Variants in CHEK1 observed in about 807,000 individuals in gnomAD.
CHEK1 encodes serine/threonine-protein kinase Chk1.
Under a neutral mutation model 60.2 loss-of-function variants are expected in CHEK1, and 32 were observed. That is an observed-to-expected ratio of 0.53 (90% CI 0.40 to 0.71). The LOEUF (loss-of-function observed/expected upper bound fraction) is 0.71. CHEK1 is among the 30% of genes least tolerant of loss of function. The probability of loss-of-function intolerance (pLI) is 0.00; values close to 1 mark genes in which losing one functional copy is unlikely to be tolerated. For synonymous variants in CHEK1, 179 were observed against 187.2 expected (o/e 0.96, Z 0.36); for missense variants, 399 against 564.6 (o/e 0.71, Z 2.97).
rs1942245963 is a variant in CHEK1 at position 125,672,574 on chromosome 11, C to A, written c.*28-3354C>A. 5 of 1,612,404 alleles carry A rather than the reference C, an allele frequency of 3.1e-6. No homozygotes were observed. The highest frequency in any genetic ancestry group is 4.2e-6 in the Non-Finnish European group (5 of 1,179,584). On this transcript the variant is annotated intron_variant, in intron 13 of 13. Transcript: ENST00000428830. ...AGGCTTTTTACTGCCTGAGTCAAAA[C>A]AAGCAAGGGCCCAGGCTTCTAGATC...
At chr11:125,628,206 T>C (rs1940702492) in intron 3 of CHEK1, among the ~76,000 whole-genome samples, 1 of 152,230 alleles carries the variant, frequency 6.6e-6, no homozygotes, top group Non-Finnish European at 1.5e-5. Flanking sequence ...ATTTTATACA[T>C]TTACAGATCT....
chr11:125,664,109 T>C (rs1942058675), intron 13 of CHEK1, among the ~76,000 whole-genome samples: 2 of 152,166 alleles, frequency 1.3e-5, no homozygotes, highest in Non-Finnish European at 2.9e-5. Context: ...AGCCTTGCAG[T>C]ATAGTTTGAA....
chr11:125,678,011 C>G (rs1942608167), downstream of CHEK1: 1 of 1,614,084 alleles, frequency 6.2e-7, no homozygotes, highest in African/African-American at 1.3e-5. Flanking sequence ...CTCCTGAAGG[C>G]TGCTCACCTA....
Position 125,629,398 on chromosome 11 carries a change from T to G in CHEK1, c.362T>G (p.Leu121Arg). ...TCTCTGCATCCCTCTTAGGTTTATC[T>G]GCATGGTATTGGAATAACTCACAGG... ...FHQLMAGVVY[L>R]HGIGITHRDI... is the part of the protein sequence containing the mutation. Residue 121 changes from leucine to arginine, a missense_variant, in exon 5 of 13, where the codon CTG becomes CGG. By Grantham distance (102) the Leu-to-Arg change is moderately radical. Transcript: ENST00000438015. The G allele has an allele frequency of 1.9e-6, 3 of 1,613,908 alleles. No homozygotes were observed. The highest frequency in any genetic ancestry group is 1.7e-6 in the Non-Finnish European group (2 of 1,179,836).
In CHEK1 at chr11:125,656,469, A is replaced by AT; in HGVS notation, c.*1151dup. ...ATCACATATTAATGTATACTGGCAA[A>AT]TTGTGTTACTGGAGTATACCCATAG... On this transcript the variant is annotated 3_prime_UTR_variant, in exon 13 of 13. Coordinates refer to ENST00000438015, the MANE Select transcript of CHEK1 (RefSeq NM_001114122.3). 4.6e-6 allele frequency: 1 copy of AT among 215,194 alleles called. No individual in the cohort carries two copies. Among genetic ancestry groups the AT allele is most frequent in the East Asian group, 6.9e-5 (1 of 14,394 alleles). 13.3% of individuals were successfully genotyped at this position (215,194 alleles called of 1,614,324 possible).
In CHEK1 at chr11:125,668,417, T is replaced by C. The variant is rs553857973; in HGVS notation, c.*28-7511T>C. Among the ~76,000 whole-genome samples the C allele has an allele frequency of 2.0e-5, 3 of 152,364 alleles. No individual in the cohort carries two copies. In the South Asian group the frequency reaches 6.2e-4, roughly 32 times the overall value. On this transcript the variant is annotated intron_variant, in intron 13 of 13. Coordinates refer to the CHEK1 transcript ENST00000428830. ...TTTCACAAGACCACTGTAGTGATGA[T>C]GTATACTCAATTGTTGATATTTGGA...
chr11:125,644,680 A>C, intron 11 of CHEK1, 37 bp downstream of exon 11: 1 of 1,592,504 alleles, frequency 6.3e-7, no homozygotes, highest in Non-Finnish European at 8.6e-7. Flanking sequence ...CTTTTCCTGA[A>C]GAAGAATTTA....
chr11:125,642,421 C>G (rs1384079803), intron 8 of CHEK1, among the ~76,000 whole-genome samples: 1 of 152,030 alleles, frequency 6.6e-6, no homozygotes, highest in Non-Finnish European at 1.5e-5. Flanking sequence ...TTTAAAAGGT[C>G]AAGAGTTTTT....
intron 1 of CHEK1, 28 bp downstream of exon 1, chr11:125,626,040 G>C (rs920660083): frequency 2.6e-5 from 18 of 692,358 alleles, no homozygotes; most frequent in African/African-American, 2.1e-4. Flanking sequence ...GTAGAGTAGG[G>C]AAGGTTTCTA....
downstream of CHEK1, chr11:125,680,738 A>C: frequency 6.2e-7 from 1 of 1,613,828 alleles, no homozygotes; most frequent in Non-Finnish European, 8.5e-7. Flanking sequence ...CCTCTGGCAG[A>C]TCCAAGCAGA....
rs1263718523 is a variant in CHEK1, at chr11:125,653,409, TATCG to T, written c.1234-334_1234-331del. ...TTTGGGAATTTTAGTAGAGATGAGG[TATCG>T]ATATGTTGCCCAGCCTGGTCTGAAG... is the stretch of plus-strand genomic sequence containing the variant. On this transcript the variant is annotated intron_variant, in intron 11 of 12. Coordinates refer to ENST00000438015, the MANE Select transcript of CHEK1 (RefSeq NM_001114122.3). This position sits in a 1 kb window ranked among gnomAD's most constrained non-coding sequence, Gnocchi z 4.3. Among the ~76,000 whole-genome samples, 3 of 152,138 alleles carry T rather than the reference TATCG, an allele frequency of 2.0e-5. No homozygotes were observed. The highest frequency in any genetic ancestry group is 4.4e-5 in the Non-Finnish European group (3 of 68,024).
chr11:125,658,685 C>CTTTTTTTTTT (rs67342073), downstream of CHEK1, among the ~76,000 whole-genome samples: 2 of 34,874 alleles, frequency 5.7e-5, no homozygotes, highest in African/African-American at 1.1e-4. Context: ...ATGGCTTTTG[C>CTTTTTTTTTT]TTTTTTTTTT....
At chr11:125,647,378 T>C (rs1458187018) in intron 11 of CHEK1, among the ~76,000 whole-genome samples, 1 of 152,112 alleles carries the variant, frequency 6.6e-6, no homozygotes, top group African/African-American at 2.4e-5. Context: ...AATTCTTTTA[T>C]TTCATGGATC....
chr11:125,628,767 ACAAGACCGTAT>A (rs1181815542), intron 3 of CHEK1, among the ~76,000 whole-genome samples: 1 of 152,196 alleles, frequency 6.6e-6, no homozygotes, highest in African/African-American at 2.4e-5. Context: ...GGGTGAAAGA[ACAAGACCGTAT>A]CTCTAAAAAA....
At chr11:125,626,699 C>A (rs769149283) in intron 1 of CHEK1, 50 bp from the exon 2 acceptor site, 1 of 1,566,700 alleles carries the variant, frequency 6.4e-7, no homozygotes, top group South Asian at 1.1e-5. Context: ...TCAGTGGCTT[C>A]ACTGGTGATC....
chr11:125,661,568 T>G (rs1942015731), downstream of CHEK1, among the ~76,000 whole-genome samples: 1 of 152,188 alleles, frequency 6.6e-6, no homozygotes. Flanking sequence ...CGCCTTGGCC[T>G]CCTAAAGTAC....
At chr11:125,677,474 T>G (rs1179745448), downstream of CHEK1, among the ~76,000 whole-genome samples, 1 of 152,244 alleles carries the variant, frequency 6.6e-6, no homozygotes, top group Non-Finnish European at 1.5e-5. Flanking sequence ...TCTTCAGAAC[T>G]CTGCACTTTC....
At chr11:125,635,609 C>CT (rs567544596) in intron 7 of CHEK1, 76 bp downstream of exon 7, 4,779 of 822,126 alleles carry the variant, frequency 5.8e-3, no homozygotes, top group South Asian at 6.7e-3. Flanking sequence ...TTTTTTCTTA[C>CT]TTTTTTTTTT....
chr11:125,679,689 A>G (rs1942707645), downstream of CHEK1, among the ~76,000 whole-genome samples: 1 of 152,168 alleles, frequency 6.6e-6, no homozygotes, highest in Non-Finnish European at 1.5e-5. Context: ...AGCTGAGAGG[A>G]ATTATTGGAT....
Sources: gnomAD v4.1 joint callset for allele counts (sites outside exome capture counted in the v4.1 genomes callset) on GRCh38, gnomAD v4.1.1 for gene constraint, Gnocchi (gnomAD v3.1) non-coding constraint, MANE v1.5 for transcripts, NCBI Gene and HGNC (gene_info 2026-07-23, HGNC 2026-07-21) for gene names.